The following KCTD8 variants were observed in gnomAD, a reference collection of about 807,000 sequenced individuals.
KCTD8 encodes BTB/POZ domain-containing protein KCTD8.
KCTD8 carries 27 observed loss-of-function variants against 31.5 expected under a neutral mutation model. The ratio of observed to expected loss-of-function variants is 0.86; its 90% CI spans 0.63 to 1.18. The LOEUF is 1.18. Among genes scored for constraint, KCTD8 ranks in the 50% most tolerant of loss-of-function variants. The pLI, the probability that KCTD8 is intolerant of heterozygous loss-of-function variation, is 0.00. For missense variants in KCTD8, 658 were observed against 647.7 expected (o/e 1.02, Z -0.17); for synonymous variants, 290 against 280.0 (o/e 1.04, Z -0.36).
chr4:44,417,331 A>G (rs563778483), intron 1 of KCTD8, among the ~76,000 whole-genome samples: 1 of 152,328 alleles, frequency 6.6e-6, no homozygotes, highest in African/African-American at 2.4e-5. Flanking sequence ...GCTTATTAAA[A>G]TTATGTCTAA....
intron 1 of KCTD8, among the ~76,000 whole-genome samples, chr4:44,203,301 G>A (rs1194553822): frequency 6.6e-5 from 10 of 151,978 alleles, no homozygotes; most frequent in African/African-American, 2.2e-4. Context: ...TCAGGAGTTC[G>A]AGACCAGCTT....
At chr4:44,395,370 G>A (rs1202746816) in intron 1 of KCTD8, among the ~76,000 whole-genome samples, 1 of 152,098 alleles carries the variant, frequency 6.6e-6, no homozygotes, top group Non-Finnish European at 1.5e-5. Context: ...CCCTGAAATA[G>A]GGTGTAGGCC....
intron 1 of KCTD8, among the ~76,000 whole-genome samples, chr4:44,324,896 T>C (rs1395341476): frequency 3.9e-5 from 6 of 152,048 alleles, no homozygotes; most frequent in African/African-American, 1.2e-4. Context: ...ACTGGCCTTA[T>C]GTTACTAATT....
At chr4:44,260,606 C>G (rs1252247785) in intron 1 of KCTD8, among the ~76,000 whole-genome samples, 1 of 151,868 alleles carries the variant, frequency 6.6e-6, no homozygotes, top group Non-Finnish European at 1.5e-5. Flanking sequence ...ATGCAAATAT[C>G]TGCAAGAAAA....
intron 1 of KCTD8, among the ~76,000 whole-genome samples, chr4:44,266,048 C>A (rs1199363298): frequency 6.6e-6 from 1 of 152,020 alleles, no homozygotes; most frequent in Non-Finnish European, 1.5e-5. Context: ...GAGAACGCCA[C>A]CAAGATACTC....
At chr4:44,207,280 C>T (rs1173529230) in intron 1 of KCTD8, among the ~76,000 whole-genome samples, 1 of 152,136 alleles carries the variant, frequency 6.6e-6, no homozygotes, top group Non-Finnish European at 1.5e-5. Flanking sequence ...GAATGTTAAA[C>T]CATCTCTTTC....
chr4:44,284,925 C>A (rs1462490737), intron 1 of KCTD8, among the ~76,000 whole-genome samples: 2 of 152,108 alleles, frequency 1.3e-5, no homozygotes, highest in Admixed American at 6.5e-5. Context: ...CAATGAGATA[C>A]CATCTCATGC....
intron 1 of KCTD8, among the ~76,000 whole-genome samples, chr4:44,183,553 G>C (rs988058848): frequency 2.0e-5 from 3 of 152,106 alleles, no homozygotes; most frequent in African/African-American, 7.2e-5. Context: ...AAATAGAAAA[G>C]TGGAAAAGAT....
intron 1 of KCTD8, among the ~76,000 whole-genome samples, chr4:44,310,532 A>G (rs1429737469): frequency 1.3e-5 from 2 of 152,240 alleles, no homozygotes; most frequent in African/African-American, 4.8e-5. Flanking sequence ...TTTCAGGGGG[A>G]AAACAAAAAG....
At chr4:44,344,587 A>G (rs545053043) in intron 1 of KCTD8, among the ~76,000 whole-genome samples, 1 of 152,292 alleles carries the variant, frequency 6.6e-6, no homozygotes, top group African/African-American at 2.4e-5. Flanking sequence ...TTTAGTTCCA[A>G]GACATCTTTG....
chr4:44,192,187 C>G (rs1168492341), intron 1 of KCTD8, among the ~76,000 whole-genome samples: 1 of 152,136 alleles, frequency 6.6e-6, no homozygotes, highest in African/African-American at 2.4e-5. Flanking sequence ...TTTCTAGTTA[C>G]TGACCAAAGA....
intron 1 of KCTD8, among the ~76,000 whole-genome samples, chr4:44,413,669 T>C (rs1359477570): frequency 6.6e-6 from 1 of 152,188 alleles, no homozygotes; most frequent in African/African-American, 2.4e-5. Flanking sequence ...TATTACTATA[T>C]CCAAAGAAAG....
chr4:44,274,717 T>C (rs1457554032), intron 1 of KCTD8, among the ~76,000 whole-genome samples: 1 of 151,902 alleles, frequency 6.6e-6, no homozygotes, highest in Non-Finnish European at 1.5e-5. Context: ...GACTGGAAAG[T>C]ATATCCCTAA....
chr4:44,238,007 A>G (rs2109355769), intron 1 of KCTD8, among the ~76,000 whole-genome samples: 1 of 152,292 alleles, frequency 6.6e-6, no homozygotes, highest in Non-Finnish European at 1.5e-5. Context: ...CTTCCACTAT[A>G]TTTCACTGCT....
chr4:44,381,117 TTAAAA>T (rs1415358014), intron 1 of KCTD8, among the ~76,000 whole-genome samples: 2 of 152,028 alleles, frequency 1.3e-5, no homozygotes, highest in Admixed American at 1.3e-4. Flanking sequence ...AATATTTCTG[TTAAAA>T]TTAGGAGCAT....
chr4:44,361,180 A>G (rs1465078619), intron 1 of KCTD8, among the ~76,000 whole-genome samples: 1 of 150,280 alleles, frequency 6.7e-6, no homozygotes, highest in African/African-American at 2.4e-5. Context: ...CTTATTTTAC[A>G]GGAGAGGCTA....
intron 1 of KCTD8, among the ~76,000 whole-genome samples, chr4:44,187,585 C>A (rs562279549): frequency 6.6e-5 from 10 of 152,302 alleles, no homozygotes; most frequent in Admixed American, 2.0e-4. Context: ...CTTCTAATGA[C>A]CTTCTTTTTT....
intron 1 of KCTD8, among the ~76,000 whole-genome samples, chr4:44,283,894 A>G (rs1716979413): frequency 2.0e-5 from 3 of 152,124 alleles, no homozygotes; most frequent in African/African-American, 7.2e-5. Context: ...CTAAGAGAAT[A>G]AAATACCTAG....
Position 44,371,749 on chromosome 4 carries a change from T to C in KCTD8, c.961+75814A>G, listed in dbSNP as rs190511619. On this transcript the variant is annotated intron_variant, in intron 1 of 1. Transcript: ENST00000360029. ...ACCCTGCTGCACATCAGTATCTACATTGTAAAATAGATGAATCCCCAACTC... is the reference window on the plus strand; with the variant it reads ...ACCCTGCTGCACATCAGTATCTACACTGTAAAATAGATGAATCCCCAACTC... 5.3e-5 allele frequency among the ~76,000 whole-genome samples: 8 copies of C among 152,332 alleles called. No individual in the cohort carries two copies. The East Asian group carries it at 1.5e-3, about 29-fold the overall frequency.
Sources: gnomAD v4.1 joint callset for allele counts (sites outside exome capture counted in the v4.1 genomes callset) on GRCh38, gnomAD v4.1.1 for gene constraint, MANE v1.5 for transcripts, NCBI Gene and HGNC (gene_info 2026-07-23, HGNC 2026-07-21) for gene names.